The following SORCS1 variants were observed in gnomAD, a reference collection of about 807,000 sequenced individuals.
SORCS1 encodes the protein sortilin related VPS10 domain containing receptor 1.
A neutral mutation model predicts 146.1 loss-of-function variants in SORCS1; 60 were observed. That is an observed-to-expected ratio of 0.41 (90% CI 0.33 to 0.51). The LOEUF (loss-of-function observed/expected upper bound fraction) is 0.51, where lower values mean the gene tolerates loss of function less well. Among genes scored for constraint, SORCS1 ranks in the 20% least tolerant of loss-of-function variants. The pLI is 0.21. For missense variants in SORCS1, 1,352 were observed against 1,487.6 expected, an observed-to-expected ratio of 0.91 and a Z score of 1.50; for synonymous variants, 637 against 584.0, an observed-to-expected ratio of 1.09 and a Z score of -1.31.
At chr10:106,829,754 G>A (rs1948460369) in intron 2 of SORCS1, 81 bp from the exon 3 acceptor site, 2 of 982,414 alleles carry the variant, frequency 2.0e-6, no homozygotes, top group Non-Finnish European at 3.1e-6. Flanking sequence ...GCTTTACACA[G>A]TAGAATGGCT....
chr10:106,884,158 A>G (rs1030127416), intron 2 of SORCS1, among the ~76,000 whole-genome samples: 2 of 151,900 alleles, frequency 1.3e-5, no homozygotes, highest in African/African-American at 4.8e-5. Flanking sequence ...AACTATATTC[A>G]TGGCACTCCC....
chr10:106,980,286 C>CT (rs570673326), intron 1 of SORCS1, among the ~76,000 whole-genome samples: 67 of 152,274 alleles, frequency 4.4e-4, no homozygotes, highest in African/African-American at 1.5e-3. Flanking sequence ...CTGTGATCTA[C>CT]TTTTTTTGCC....
Position 106,612,029 on chromosome 10 carries a change from G to T in SORCS1, c.2921-6C>A. 6.2e-7 allele frequency: 1 copy of T among 1,606,110 alleles called. No individual in the cohort carries two copies. Among genetic ancestry groups the T allele is most frequent in the South Asian group, 1.1e-5 (1 of 90,868 alleles). ...GCGAAGAGACCGGAATTCCTCTGGG[G>T]ATATAACAGTAGATGGAGTACTATA... On this transcript the variant is annotated splice_region_variant and splice_polypyrimidine_tract_variant and intron_variant, in intron 21 of 25. Transcript: ENST00000263054.
At chr10:106,626,056 G>A (rs1848089429) in intron 19 of SORCS1, among the ~76,000 whole-genome samples, 1 of 152,068 alleles carries the variant, frequency 6.6e-6, no homozygotes, top group South Asian at 2.1e-4. Flanking sequence ...AGGAACATCG[G>A]CTCCATTTGT....
At chr10:106,803,274 C>T (rs185049189) in intron 3 of SORCS1, among the ~76,000 whole-genome samples, 1 of 152,218 alleles carries the variant, frequency 6.6e-6, no homozygotes, top group Non-Finnish European at 1.5e-5. Flanking sequence ...TTTATGGTAA[C>T]AAAATTATTC....
At chr10:106,644,355 G>GAAT (rs1041104819) in intron 18 of SORCS1, among the ~76,000 whole-genome samples, 1 of 151,554 alleles carries the variant, frequency 6.6e-6, no homozygotes, top group African/African-American at 2.4e-5. Context: ...CTATTACCAT[G>GAAT]AATAATAATA....
At chr10:107,172,494 G>A in the SORCS1 span, among the ~76,000 whole-genome samples, 1 of 152,024 alleles carries the variant, frequency 6.6e-6, no homozygotes, top group Non-Finnish European at 1.5e-5. Flanking sequence ...TATTCTCTTG[G>A]CACTCTATGC....
chr10:106,788,037 C>G (rs938394054), intron 3 of SORCS1, among the ~76,000 whole-genome samples: 2 of 152,116 alleles, frequency 1.3e-5, no homozygotes, highest in Non-Finnish European at 2.9e-5. Context: ...TTACATGTTG[C>G]CTTTGAAAGT....
chr10:106,813,570 T>C (rs956652505), intron 3 of SORCS1, among the ~76,000 whole-genome samples: 1 of 152,140 alleles, frequency 6.6e-6, no homozygotes, highest in Non-Finnish European at 1.5e-5. Flanking sequence ...TATTGTCTTG[T>C]TACAGAAATG....
chr10:106,611,760 T>G (rs1375010908), intron 22 of SORCS1, 151 bp downstream of exon 22: 2 of 639,074 alleles, frequency 3.1e-6, no homozygotes, highest in Non-Finnish European at 5.5e-6. Flanking sequence ...GGCTCAGCTT[T>G]GCAGACATCA....
intron 23 of SORCS1, among the ~76,000 whole-genome samples, chr10:106,603,617 A>G (rs1846385559): frequency 6.6e-6 from 1 of 152,040 alleles, no homozygotes; most frequent in South Asian, 2.1e-4. Context: ...CTGCAGGGGG[A>G]TCTGTACTGC....
Position 107,022,568 on chromosome 10 carries a change from G to A in SORCS1, c.559-65988C>T, listed in dbSNP as rs1958197049. Reference sequence around the variant, plus strand: ...AGCTCAAGATCTCCTACAGTCATTAGCATGTCTAACACCTCCACTGTTATG... The same window carrying A: ...AGCTCAAGATCTCCTACAGTCATTAACATGTCTAACACCTCCACTGTTATG... On this transcript the variant is annotated intron_variant, in intron 1 of 25. Coordinates refer to ENST00000263054, the MANE Select transcript of SORCS1 (RefSeq NM_052918.5). Among the ~76,000 whole-genome samples, 5 of 151,974 alleles carry A rather than the reference G, an allele frequency of 3.3e-5. No individual in the cohort carries two copies. The South Asian group carries it at 1.0e-3, about 32-fold the overall frequency.
intron 3 of SORCS1, among the ~76,000 whole-genome samples, chr10:106,803,037 A>G (rs1380986885): frequency 1.3e-5 from 2 of 152,160 alleles, no homozygotes; most frequent in African/African-American, 4.8e-5. Context: ...CTCCCTTCTG[A>G]TTAGGGAGAC....
intron 1 of SORCS1, among the ~76,000 whole-genome samples, chr10:107,008,190 T>C (rs895378318): frequency 6.6e-6 from 1 of 152,112 alleles, no homozygotes; most frequent in Non-Finnish European, 1.5e-5. Context: ...GTACATAAAA[T>C]AGTAGAGTTG....
At chr10:106,636,488 C>A (rs1037711858) in intron 18 of SORCS1, among the ~76,000 whole-genome samples, 4 of 152,146 alleles carry the variant, frequency 2.6e-5, no homozygotes, top group Admixed American at 2.6e-4. Flanking sequence ...AATTGACTCA[C>A]AGCTCCACAT....
At chr10:107,124,667 A>G (rs2134574206) in intron 1 of SORCS1, among the ~76,000 whole-genome samples, 1 of 152,274 alleles carries the variant, frequency 6.6e-6, no homozygotes, top group Middle Eastern at 3.4e-3. Context: ...AGGTAATCTG[A>G]GTCTATGAGT....
chr10:107,008,562 G>T (rs773748400), intron 1 of SORCS1, among the ~76,000 whole-genome samples: 6 of 152,124 alleles, frequency 3.9e-5, no homozygotes, highest in Admixed American at 1.3e-4. Context: ...TGATGAATAG[G>T]TTGTGTTAAA....
Position 106,651,356 on chromosome 10 carries a change from T to C in SORCS1, c.2475+1026A>G, listed in dbSNP as rs1021379249. Among the ~76,000 whole-genome samples, 20 of 152,324 alleles carry C rather than the reference T, an allele frequency of 1.3e-4. No individual in the cohort carries two copies. The South Asian group carries it at 2.5e-3, about 19-fold the overall frequency. The stretch of plus-strand genomic sequence containing the variant: ...CCCAGCCTTGCCACTGTTTTGTTTT[T>C]CTTGAAGCACAATGCACAATGCACA... On this transcript the variant is annotated intron_variant, in intron 18 of 25. Coordinates refer to ENST00000263054, the MANE Select transcript of SORCS1 (RefSeq NM_052918.5).
intron 1 of SORCS1, among the ~76,000 whole-genome samples, chr10:107,111,893 C>T (rs1019171897): frequency 6.6e-6 from 1 of 152,128 alleles, no homozygotes; most frequent in Non-Finnish European, 1.5e-5. Flanking sequence ...CAACAGAAGC[C>T]TTTCAGGCCA....
Sources: allele counts gnomAD v4.1 joint callset (sites outside exome capture counted in the v4.1 genomes callset), GRCh38; gene constraint gnomAD v4.1.1; transcripts MANE v1.5; gene names NCBI Gene and HGNC (gene_info 2026-07-23, HGNC 2026-07-21).